Variants in CD300LD observed in about 807,000 individuals in gnomAD.
The protein encoded by CD300LD is CD300 molecule like family member d.
In CD300LD, 18 loss-of-function variants were observed where a neutral mutation model predicts 20.3. That is an observed-to-expected ratio of 0.89 (90% confidence interval 0.61 to 1.32). The LOEUF is 1.32. Among genes scored for constraint, CD300LD ranks in the 40% most tolerant of loss-of-function variants. The pLI, the probability that CD300LD is intolerant of heterozygous loss-of-function variation, is 0.00. For missense variants in CD300LD, 195 were observed against 226.6 expected, an observed-to-expected ratio of 0.86 and a Z score of 0.90; for synonymous variants, 104 against 90.1, an observed-to-expected ratio of 1.15 and a Z score of -0.87.
At chr17:74,582,161 G>T in intron 3 of CD300LD, 57 bp downstream of exon 3, 1 of 1,415,954 alleles carries the variant, frequency 7.1e-7, no homozygotes, top group Non-Finnish European at 9.9e-7. Flanking sequence ...ACCCCTGTTA[G>T]AGGAGAGGCC....
downstream of CD300LD, chr17:74,579,309 G>A (rs913645826): frequency 6.6e-6 from 1 of 152,164 alleles, no homozygotes; most frequent in East Asian, 1.9e-4. Context: ...TGAACCCCAC[G>A]GAATGCAAAG....
At chr17:74,591,141 T>C (rs1465596373) in intron 1 of CD300LD, among the ~76,000 whole-genome samples, 1 of 151,586 alleles carries the variant, frequency 6.6e-6, no homozygotes, top group African/African-American at 2.4e-5. Context: ...AAGCCAGGCA[T>C]GGTGGCTCAC....
At chr17:74,582,412 C>G in intron 2 of CD300LD, 101 bp from the exon 3 acceptor site, 1 of 867,722 alleles carries the variant, frequency 1.2e-6, no homozygotes, top group East Asian at 2.6e-5. Context: ...GAGCCTCTGC[C>G]TTGGGGTCCA....
Position 74,579,876 on chromosome 17 carries a change from C to A in CD300LD, c.*126G>T, listed in dbSNP as rs1402577312. On this transcript the variant is annotated 3_prime_UTR_variant, in exon 4 of 4. Transcript: ENST00000375352. Reference sequence around the variant, plus strand: ...TTCCAGCCTGGGTGACAGAGCAAGACTCTATCTCTAGAAAGAAAAAAAGAA... The same window carrying A: ...TTCCAGCCTGGGTGACAGAGCAAGAATCTATCTCTAGAAAGAAAAAAAGAA... 3.5e-6 allele frequency: 2 copies of A among 575,468 alleles called. No individual in the cohort carries two copies. Among genetic ancestry groups the A allele is most frequent in the Non-Finnish European group, 6.2e-6 (2 of 320,324 alleles). The allele number at this position is 575,468 out of a possible 1,614,324, so 35.6% of individuals were successfully genotyped here.
In CD300LD at chr17:74,588,805, C is replaced by T. The variant is rs2030235180; in HGVS notation, c.85G>A (p.Gly29Ser). Reference protein sequence around the residue: ...AKITGPTTVNGSEQGSLTVQC... With the variant: ...AKITGPTTVNSSEQGSLTVQC... ...ACAGTCAATGAGCCCTGCTCCGAGCCATTCACTGTTGTTGGACCAGTGATT... is the reference window on the plus strand; with the variant it reads ...ACAGTCAATGAGCCCTGCTCCGAGCTATTCACTGTTGTTGGACCAGTGATT... The change falls in exon 2 of 4, where the codon GGC becomes AGC. Residue 29 changes from glycine (G) to serine (S), a missense_variant. Physicochemically the swap from Gly to Ser is moderately conservative, Grantham distance 56. Coordinates refer to ENST00000375352, the MANE Select transcript of CD300LD (RefSeq NM_001115152.2). 6.2e-7 allele frequency: 1 copy of T among 1,613,564 alleles called. No homozygotes were observed. The highest frequency in any genetic ancestry group is 1.1e-5 in the South Asian group (1 of 91,084).
rs757305507 is a variant in CD300LD at position 74,579,984 on chromosome 17, G to A, written c.*18C>T. On this transcript the variant is annotated 3_prime_UTR_variant, in exon 4 of 4. Coordinates refer to ENST00000375352, the MANE Select transcript of CD300LD (RefSeq NM_001115152.2). ...AATGGGCATTGGGACTCTCATCATC[G>A]GGCTGACTCCTCCTCCTTCAAGACC... 1.9e-6 allele frequency: 3 copies of A among 1,542,676 alleles called. No individual in the cohort carries two copies. The highest frequency in any genetic ancestry group is 1.4e-5 in the African/African-American group (1 of 73,410).
rs569575925 is a variant in CD300LD at position 74,583,364 on chromosome 17, G to T, written c.380-1053C>A. Among the ~76,000 whole-genome samples, 80 of 152,336 alleles carry T rather than the reference G, an allele frequency of 5.3e-4. 1 individual carries two copies. The highest frequency in any genetic ancestry group is 1.7e-3 in the African/African-American group (72 of 41,574). On this transcript the variant is annotated intron_variant, in intron 2 of 3. Transcript: ENST00000375352. ...TGAGGACACACAGGGAGACACCAAG[G>T]CATGCGAGCACAGAGGGGCAACCGC... is the stretch of plus-strand genomic sequence containing the variant.
At chr17:74,580,195 G>A (rs1474205715) in intron 3 of CD300LD, 82 bp from the exon 4 acceptor site, 5 of 919,040 alleles carry the variant, frequency 5.4e-6, no homozygotes, top group Non-Finnish European at 8.6e-6. Flanking sequence ...CCAGATCCTG[G>A]CTTCCAATGT....
At chr17:74,590,063 C>T (rs781145976) in intron 1 of CD300LD, among the ~76,000 whole-genome samples, 7 of 152,148 alleles carry the variant, frequency 4.6e-5, no homozygotes, top group Non-Finnish European at 1.0e-4. Flanking sequence ...ATTGTAGCTC[C>T]CATAATTTCC....
intron 2 of CD300LD, 21 bp from the exon 3 acceptor site, chr17:74,582,332 A>G: frequency 6.2e-7 from 1 of 1,604,700 alleles, no homozygotes; most frequent in African/African-American, 1.3e-5. Context: ...AAAGCAGAAC[A>G]CGGTTCACCC....
chr17:74,590,661 A>T (rs2030289124), intron 1 of CD300LD: 1 of 151,824 alleles, frequency 6.6e-6, no homozygotes, highest in South Asian at 2.1e-4. Context: ...ACTACACACG[A>T]CCTCCTGGGG....
At chr17:74,591,262 A>ATAAAAAAAAT (rs149944866) in intron 1 of CD300LD, among the ~76,000 whole-genome samples, 2 of 114,118 alleles carry the variant, frequency 1.8e-5, no homozygotes, top group African/African-American at 9.7e-5. Flanking sequence ...AAAAAAAAAA[A>ATAAAAAAAAT]AATAAAAATA....
chr17:74,587,493 A>C (rs753334902), intron 2 of CD300LD, among the ~76,000 whole-genome samples: 12 of 152,340 alleles, frequency 7.9e-5, no homozygotes, highest in Non-Finnish European at 1.6e-4. Context: ...GAGGTTTAAC[A>C]GTGTTTCTGA....
At chr17:74,583,317 G>T (rs1387974761) in intron 2 of CD300LD, among the ~76,000 whole-genome samples, 1 of 152,176 alleles carries the variant, frequency 6.6e-6, no homozygotes, top group Non-Finnish European at 1.5e-5. Flanking sequence ...CATCTGACTG[G>T]TATCGTTCTC....
chr17:74,588,158 C>G (rs190662759), intron 2 of CD300LD, among the ~76,000 whole-genome samples: 294 of 152,252 alleles, frequency 1.9e-3, no homozygotes, highest in Non-Finnish European at 3.1e-3. Flanking sequence ...CTCGTGGTGG[C>G]GGAACTGAGT....
chr17:74,589,275 G>A (rs1057125979), intron 1 of CD300LD, among the ~76,000 whole-genome samples: 1 of 150,364 alleles, frequency 6.7e-6, no homozygotes, highest in Non-Finnish European at 1.5e-5. Flanking sequence ...AATGGTTTCT[G>A]GTGGCTCTGC....
chr17:74,578,915 G>A (rs1426800127), downstream of CD300LD, among the ~76,000 whole-genome samples: 1 of 152,176 alleles, frequency 6.6e-6, no homozygotes, highest in Admixed American at 6.5e-5. Context: ...CCAGCTCACA[G>A]TTCTAGCTCT....
chr17:74,578,884 G>C (rs1332423809), downstream of CD300LD, among the ~76,000 whole-genome samples: 2 of 152,138 alleles, frequency 1.3e-5, no homozygotes, highest in South Asian at 4.1e-4. Context: ...CAGGCAGGCG[G>C]TACTGAGGAC....
At chr17:74,583,927 T>A (rs986024705) in intron 2 of CD300LD, among the ~76,000 whole-genome samples, 1 of 151,992 alleles carries the variant, frequency 6.6e-6, no homozygotes, top group Admixed American at 6.6e-5. Context: ...AATTTTTTTT[T>A]ATTTTTAGTA....
Sources: allele counts gnomAD v4.1 joint callset (sites outside exome capture counted in the v4.1 genomes callset), GRCh38; gene constraint gnomAD v4.1.1; transcripts MANE v1.5; gene names NCBI Gene and HGNC (gene_info 2026-07-23, HGNC 2026-07-21).